Variants in ACOXL observed in about 807,000 individuals in gnomAD.
ACOXL encodes acyl-CoA oxidase like, also known as acyl-coenzyme A oxidase-like protein.
In ACOXL, 70 loss-of-function variants were observed where a neutral mutation model predicts 71.9. That is an observed-to-expected ratio of 0.97 (90% CI 0.80 to 1.19). The LOEUF is 1.19. ACOXL is among the 50% of genes most tolerant of loss of function. ACOXL has a pLI of 0.00. For synonymous variants in ACOXL, 253 were observed against 281.6 expected (o/e 0.90, Z 1.02); for missense variants, 703 against 736.3 (o/e 0.95, Z 0.52).
chr2:110,798,707 T>G lies in ACOXL; in HGVS notation c.443T>G (p.Ile148Arg). The stretch of plus-strand genomic sequence containing the variant: ...GCAGCTGTCTTTGCCCAGCTCATCA[T>G]AGATGGAAGATCTCAAGGTTTGTTA... Reference protein sequence around the residue: ...NYAAVFAQLIIDGRSQGPHCF... With the variant: ...NYAAVFAQLIRDGRSQGPHCF... Residue 148 changes from isoleucine to arginine, a missense_variant, in exon 6 of 18, where the codon ATA becomes AGA. Coordinates refer to ENST00000439055, the MANE Select transcript of ACOXL (RefSeq NM_001142807.4). 3 of 1,614,100 alleles carry G rather than the reference T, an allele frequency of 1.9e-6. No individual in the cohort carries two copies. The highest frequency in any genetic ancestry group is 2.5e-6 in the Non-Finnish European group (3 of 1,179,938).
intron 10 of ACOXL, among the ~76,000 whole-genome samples, chr2:110,874,648 T>C (rs1266522957): frequency 6.6e-6 from 1 of 152,106 alleles, no homozygotes; most frequent in Non-Finnish European, 1.5e-5. Context: ...ATAGTAATAA[T>C]GGTGCTACCA....
In ACOXL at chr2:110,938,702, C is replaced by T. The variant is rs75742059; in HGVS notation, c.1059+5060C>T. Among the ~76,000 whole-genome samples the T allele has an allele frequency of 6.7e-5, 10 of 148,690 alleles. No homozygotes were observed. The East Asian group carries it at 8.1e-4, about 12-fold the overall frequency. ...TTGAATGAATGAATGAATGAATGAACGAATAAATGAATGAATGAATGAATG... is the reference window on the plus strand; with the variant it reads ...TTGAATGAATGAATGAATGAATGAATGAATAAATGAATGAATGAATGAATG... On this transcript the variant is annotated intron_variant, in intron 12 of 17. Transcript: ENST00000439055.
chr2:110,782,883 G>T (rs983313090), intron 2 of ACOXL, among the ~76,000 whole-genome samples: 1 of 152,170 alleles, frequency 6.6e-6, no homozygotes, highest in African/African-American at 2.4e-5. Context: ...TCCAGAGAGG[G>T]TGACTCTCAG....
chr2:110,846,083 C>T (rs1307231493), intron 10 of ACOXL, among the ~76,000 whole-genome samples: 1 of 152,020 alleles, frequency 6.6e-6, no homozygotes, highest in African/African-American at 2.4e-5. Context: ...GGGAAGGGGT[C>T]CTCTTTGTGT....
chr2:110,907,464 T>C (rs2059496705), intron 10 of ACOXL, among the ~76,000 whole-genome samples: 1 of 152,112 alleles, frequency 6.6e-6, no homozygotes, highest in African/African-American at 2.4e-5. Flanking sequence ...TTCACCGTGA[T>C]CCAGCAAAAG....
intron 2 of ACOXL, among the ~76,000 whole-genome samples, chr2:110,773,220 G>A (rs551089007): frequency 6.6e-6 from 1 of 152,102 alleles, no homozygotes. Context: ...GGTAATCTCC[G>A]TTTGAGGTAT....
intron 15 of ACOXL, among the ~76,000 whole-genome samples, chr2:111,041,702 C>T (rs1280624631): frequency 6.6e-6 from 1 of 152,208 alleles, no homozygotes; most frequent in Non-Finnish European, 1.5e-5. Context: ...GACAGCGTGC[C>T]ACTGTCCACC....
intron 17 of ACOXL, among the ~76,000 whole-genome samples, chr2:111,117,118 T>C (rs1459571805): frequency 6.6e-6 from 1 of 152,220 alleles, no homozygotes; most frequent in Non-Finnish European, 1.5e-5. Flanking sequence ...GGCGCTAGTC[T>C]GGGGAGACTG....
intron 17 of ACOXL, among the ~76,000 whole-genome samples, chr2:111,116,000 A>C (rs1303159583): frequency 6.6e-6 from 1 of 152,192 alleles, no homozygotes; most frequent in East Asian, 1.9e-4. Context: ...ACTCTATTTT[A>C]CACTCATTCA....
intron 14 of ACOXL, among the ~76,000 whole-genome samples, chr2:111,001,589 G>A (rs1367292089): frequency 1.3e-5 from 2 of 152,110 alleles, no homozygotes; most frequent in Non-Finnish European, 2.9e-5. Flanking sequence ...CTGGATGTCA[G>A]AATTTATATG....
At chr2:110,828,449 CTGTGCTGATTTGTAATGCCAA>C (rs1689422735) in intron 9 of ACOXL, among the ~76,000 whole-genome samples, 1 of 152,184 alleles carries the variant, frequency 6.6e-6, no homozygotes, top group African/African-American at 2.4e-5. Context: ...TTCAAAAGAG[CTGTGCTGATTTGTAATGCCAA>C]CAATAGTCTG....
intron 10 of ACOXL, among the ~76,000 whole-genome samples, chr2:110,863,691 C>T (rs968291201): frequency 7.9e-5 from 12 of 152,038 alleles, no homozygotes; most frequent in African/African-American, 2.7e-4. Flanking sequence ...CCAGACTGCC[C>T]TAAGGAGCAC....
At chr2:110,753,036 G>A (rs963734012) in intron 1 of ACOXL, among the ~76,000 whole-genome samples, 4 of 152,146 alleles carry the variant, frequency 2.6e-5, no homozygotes, top group Non-Finnish European at 5.9e-5. Flanking sequence ...AGGTGTTTGG[G>A]TCATGGGGGC....
At position 110,792,420 on chromosome 2, in the gene ACOXL, TCTC is replaced by T. The variant is rs540239184; in HGVS notation, c.160-1227_160-1225del. Among the ~76,000 whole-genome samples, 340 of 152,308 alleles carry T rather than the reference TCTC, an allele frequency of 2.2e-3. 1 individual carries two copies. The highest frequency in any genetic ancestry group is 7.6e-3 in the African/African-American group (316 of 41,574). On this transcript the variant is annotated intron_variant, in intron 3 of 17. Transcript: ENST00000439055. The stretch of plus-strand genomic sequence containing the variant: ...AGCCACTCTGCCTCTTCCTGTTTCT[TCTC>T]CTTCTCCTTCTCATCCTCATCCTCT...
intron 1 of ACOXL, among the ~76,000 whole-genome samples, chr2:110,733,628 C>A (rs1269915296): frequency 6.6e-6 from 1 of 152,012 alleles, no homozygotes; most frequent in African/African-American, 2.4e-5. Context: ...ATTTATTTTG[C>A]GGAAATGAGA....
At chr2:110,736,814 GT>G (rs1676914080) in intron 1 of ACOXL, among the ~76,000 whole-genome samples, 1 of 152,078 alleles carries the variant, frequency 6.6e-6, no homozygotes, top group Non-Finnish European at 1.5e-5. Context: ...TAGAGACGGG[GT>G]TTCATCACGT....
intron 9 of ACOXL, among the ~76,000 whole-genome samples, chr2:110,820,650 G>C (rs1688489422): frequency 6.6e-6 from 1 of 152,158 alleles, no homozygotes; most frequent in Non-Finnish European, 1.5e-5. Flanking sequence ...GAAGAAGAAG[G>C]CTTGTGGAGA....
chr2:110,839,623 G>C (rs1048865622), intron 9 of ACOXL, among the ~76,000 whole-genome samples: 1 of 152,062 alleles, frequency 6.6e-6, no homozygotes, highest in African/African-American at 2.4e-5. Context: ...TGCCCTCGTT[G>C]GTCCTGTACT....
At chr2:110,927,363 A>G (rs2060312406) in intron 11 of ACOXL, among the ~76,000 whole-genome samples, 1 of 152,264 alleles carries the variant, frequency 6.6e-6, no homozygotes, top group East Asian at 1.9e-4. Flanking sequence ...AAGCTCCCGC[A>G]TGTGGCCCTG....
Sources: gnomAD v4.1 joint callset for allele counts (sites outside exome capture counted in the v4.1 genomes callset) on GRCh38, gnomAD v4.1.1 for gene constraint, MANE v1.5 for transcripts, NCBI Gene and HGNC (gene_info 2026-07-23, HGNC 2026-07-21) for gene names.